MACF1: variants seen among roughly 807,000 people sequenced by gnomAD.
The protein encoded by MACF1 is microtubule-actin cross-linking factor 1.
Under a neutral mutation model 854.8 loss-of-function variants are expected in MACF1, and 193 were observed. The observed-to-expected ratio is 0.23, with a 90% CI of 0.20 to 0.25. MACF1 has a LOEUF of 0.25. Among genes scored for constraint, MACF1 ranks in the 10% least tolerant of loss-of-function variants. MACF1 has a pLI of 1.00. For synonymous variants in MACF1, 3,185 were observed against 3,226.7 expected, an observed-to-expected ratio of 0.99 and a Z score of 0.44; for missense variants, 7,722 against 8,929.1, an observed-to-expected ratio of 0.86 and a Z score of 5.45.
chr1:39,357,873 T>C lies in MACF1; in HGVS notation c.11923T>C (p.Tyr3975His). ...KDKLKDATER[Y>H]TALHSKCTRL... ...CAAGTTGAAGGATGCAACAGAAAGATACACTGCTCTCCACTCAAAGGTAAG... is the reference window on the plus strand; with the variant it reads ...CAAGTTGAAGGATGCAACAGAAAGACACACTGCTCTCCACTCAAAGGTAAG... Residue 3975 changes from tyrosine to histidine, a missense_variant, in exon 45 of 101, where the codon TAC (tyrosine) becomes CAC (histidine). By Grantham distance (83) the Tyr-to-His change is moderately conservative. Around this residue, in one of 15 missense-constraint regions of MACF1, gnomAD observed 2,807 missense variants for 3,235.8 expected, o/e 0.87. Transcript: ENST00000564288. 2 of 1,612,626 alleles carry C rather than the reference T, an allele frequency of 1.2e-6. No homozygotes were observed. The highest frequency in any genetic ancestry group is 8.5e-7 in the Non-Finnish European group (1 of 1,179,330).
At chr1:39,266,098 A>G (rs555401762) in intron 6 of MACF1, among the ~76,000 whole-genome samples, 1 of 152,344 alleles carries the variant, frequency 6.6e-6, no homozygotes, top group African/African-American at 2.4e-5. Context: ...TTGGTCTGAC[A>G]TATGCAGAAA....
chr1:39,179,208 T>C (rs1438161969), intron 2 of MACF1, among the ~76,000 whole-genome samples: 1 of 152,242 alleles, frequency 6.6e-6, no homozygotes, highest in Non-Finnish European at 1.5e-5. Context: ...TCCATCTTTG[T>C]CTTTGCTCAT....
intron 6 of MACF1, 78 bp downstream of exon 6, chr1:39,258,106 G>A: frequency 9.1e-7 from 1 of 1,095,876 alleles, no homozygotes; most frequent in South Asian, 1.3e-5. Flanking sequence ...TCCACAGACA[G>A]CATTGAGCCT....
chr1:39,343,562 A>G (rs1646981418), intron 40 of MACF1, among the ~76,000 whole-genome samples: 1 of 152,264 alleles, frequency 6.6e-6, no homozygotes, highest in South Asian at 2.1e-4. Context: ...CATTTCATGC[A>G]TTGGTGCCCT....
intron 52 of MACF1, among the ~76,000 whole-genome samples, chr1:39,374,313 A>G (rs1015431707): frequency 2.6e-5 from 4 of 152,352 alleles, no homozygotes; most frequent in South Asian, 2.1e-4. Flanking sequence ...TTGAGATCAC[A>G]TAAGTTTTAT....
intron 2 of MACF1, among the ~76,000 whole-genome samples, chr1:39,233,446 T>A (rs1644809163): frequency 6.6e-6 from 1 of 152,208 alleles, no homozygotes; most frequent in African/African-American, 2.4e-5. Context: ...CCATGGCGGC[T>A]GTGCCTCAAA....
chr1:39,161,375 TTA>T (rs1643795494), intron 2 of MACF1, among the ~76,000 whole-genome samples: 1 of 152,178 alleles, frequency 6.6e-6, no homozygotes, highest in East Asian at 1.9e-4. Flanking sequence ...TAAGAAAAAT[TTA>T]TGATAGGACT....
At chr1:39,394,239 TTTGA>T (rs57627120) in intron 58 of MACF1, among the ~76,000 whole-genome samples, 23,185 of 149,558 alleles carry the variant, frequency 0.16, 1,971 homozygotes, top group African/African-American at 0.23. Context: ...AACGCCTTCA[TTTGA>T]TTGATTGATT....
chr1:39,386,391 G>T (rs1641785162), intron 57 of MACF1, among the ~76,000 whole-genome samples: 2 of 151,464 alleles, frequency 1.3e-5, no homozygotes, highest in African/African-American at 4.9e-5. Flanking sequence ...CTCCCAAGTA[G>T]CTGGGACTAT....
intron 1 of MACF1, among the ~76,000 whole-genome samples, chr1:39,214,917 C>T (rs2148281623): frequency 6.6e-6 from 1 of 152,304 alleles, no homozygotes; most frequent in East Asian, 1.9e-4. Flanking sequence ...AACCACTTAG[C>T]TCACCAGCTC....
chr1:39,250,152 C>A, intron 3 of MACF1, 49 bp downstream of exon 3: 1 of 1,247,316 alleles, frequency 8.0e-7, no homozygotes, highest in Non-Finnish European at 1.2e-6. Context: ...CTACAAATGA[C>A]ATATTGGTCC....
rs1184418082 is a variant in MACF1, at chr1:39,358,694, C to T, written c.11944-3C>T. On this transcript the variant is annotated splice_region_variant and splice_polypyrimidine_tract_variant and intron_variant, in intron 45 of 100. Coordinates refer to ENST00000564288, the MANE Select transcript of MACF1 (RefSeq NM_001394062.1). ...TCTGCTTACCTTTCTTTCTCTGGCA[C>T]AGTGTACACGATTAGGATCTCACCT... is the stretch of plus-strand genomic sequence containing the variant. The T allele has an allele frequency of 6.2e-7, 1 of 1,613,122 alleles. No individual in the cohort carries two copies. The highest frequency in any genetic ancestry group is 8.5e-7 in the Non-Finnish European group (1 of 1,179,816).
intron 6 of MACF1, among the ~76,000 whole-genome samples, chr1:39,274,577 TG>T (rs1422822706): frequency 2.6e-5 from 4 of 152,224 alleles, no homozygotes; most frequent in Non-Finnish European, 4.4e-5. Context: ...TACCTCATTT[TG>T]TATCTGGGAC....
intron 1 of MACF1, among the ~76,000 whole-genome samples, chr1:39,220,960 G>T (rs939854386): frequency 1.4e-4 from 21 of 152,198 alleles, no homozygotes; most frequent in African/African-American, 5.1e-4. Flanking sequence ...GTCCGGAAAG[G>T]TGTAACAGAA....
Position 39,387,433 on chromosome 1 carries a change from T to C in MACF1, c.14591T>C (p.Val4864Ala). 1 of 1,614,212 alleles carries C rather than the reference T, an allele frequency of 6.2e-7. No homozygotes were observed. Among genetic ancestry groups the C allele is most frequent in the Non-Finnish European group, 8.5e-7 (1 of 1,180,040 alleles). ...GAAGGGGAATCTCTACTTCTTTCTG[T>C]ACCTCCTGGAGAAGAGAAAAGGACT... The part of the protein sequence containing the change: ...VAEGESLLLS[V>A]PPGEEKRTLQ... The change falls in exon 58 of 101, where the codon GTA becomes GCA. Residue 4864 changes from valine to alanine, a missense_variant. Physicochemically the swap from Val to Ala is moderately conservative, Grantham distance 64. This residue lies in a region of MACF1 where 2,807 missense variants were observed against 3,235.8 expected (regional missense o/e 0.87). Transcript: ENST00000564288.
intron 2 of MACF1, among the ~76,000 whole-genome samples, chr1:39,090,890 C>G (rs1641785937): frequency 6.6e-6 from 1 of 152,194 alleles, no homozygotes; most frequent in Non-Finnish European, 1.5e-5. Context: ...TTATATGGAG[C>G]CTGGCTGGCC....
In MACF1 at chr1:39,353,146, A is replaced by C; in HGVS notation, c.11339A>C (p.Glu3780Ala). ...GAGCAGCTCTCGGGAGCTAGCTTGG[A>C]GAAAGGAGCCTTGGACACCACTGAT... is the stretch of plus-strand genomic sequence containing the variant. ...GMEQLSGASL[E>A]KGALDTTDGY... The change falls in exon 44 of 101, where the codon GAG (glutamate) becomes GCG (alanine). Residue 3780 changes from glutamate (E) to alanine (A), a missense_variant. Glu to Ala is a moderately radical substitution (Grantham distance 107). Transcript: ENST00000564288. The C allele has an allele frequency of 6.2e-7, 1 of 1,614,162 alleles. No homozygotes were observed. The highest frequency in any genetic ancestry group is 1.1e-5 in the South Asian group (1 of 91,078).
At chr1:39,204,090 A>G (rs1032389903), upstream of MACF1, among the ~76,000 whole-genome samples, 1 of 152,112 alleles carries the variant, frequency 6.6e-6, no homozygotes, top group African/African-American at 2.4e-5. Flanking sequence ...CTTGGCCAAC[A>G]TGGTGAAACC....
In MACF1 at chr1:39,331,608, G is replaced by A; in HGVS notation, c.5020G>A (p.Glu1674Lys). ...SPSENCINLE[E>K]AFHQGLISAW... ...TAGTGAGAACTGTATTAACCTGGAA[G>A]AGGCTTTTCATCAAGGCCTCATTTC... is the stretch of plus-strand genomic sequence containing the variant. Residue 1674 changes from glutamate to lysine, a missense_variant, in exon 37 of 101, where the codon GAG (glutamate) becomes AAG (lysine). Glu to Lys is a moderately conservative substitution (Grantham distance 56). Around this residue, in one of 15 missense-constraint regions of MACF1, gnomAD observed 1,531 missense variants for 1,601.6 expected, o/e 0.96. Transcript: ENST00000564288. 1 of 1,614,188 alleles carries A rather than the reference G, an allele frequency of 6.2e-7. No individual in the cohort carries two copies. The highest frequency in any genetic ancestry group is 2.2e-5 in the East Asian group (1 of 44,888).
Sources: allele counts gnomAD v4.1 joint callset (sites outside exome capture counted in the v4.1 genomes callset), GRCh38; gene constraint gnomAD v4.1.1; regional missense constraint gnomAD v4.1.1; transcripts MANE v1.5; gene names NCBI Gene and HGNC (gene_info 2026-07-23, HGNC 2026-07-21).